The following SOX8 variants were observed in gnomAD, a reference collection of about 807,000 sequenced individuals.
SOX8 encodes the protein SRY-box transcription factor 8.
Under a neutral mutation model 22.9 loss-of-function variants are expected in SOX8, and 9 were observed. The observed-to-expected ratio is 0.39, with a 90% CI of 0.24 to 0.69. SOX8 has a LOEUF of 0.69. Ranked by LOEUF, SOX8 falls within the 30% of genes least tolerant of loss-of-function variation. The probability of loss-of-function intolerance (pLI) is 0.43; values close to 1 mark genes in which losing one functional copy is unlikely to be tolerated. For missense variants in SOX8, 734 were observed against 699.4 expected (o/e 1.05, Z -0.56); for synonymous variants, 416 against 330.6 (o/e 1.26, Z -2.80).
Position 985,306 on chromosome 16 carries a change from A to G in SOX8, c.1261A>G (p.Asn421Asp), listed in dbSNP as rs1567358033. The change falls in exon 3 of 3, where the codon AAC becomes GAC. Residue 421 changes from asparagine to aspartate, a missense_variant. Physicochemically the swap from Asn to Asp is conservative, Grantham distance 23. Around this residue, in one of 3 missense-constraint regions of SOX8, gnomAD observed 588 missense variants for 568.2 expected, o/e 1.03. Coordinates refer to ENST00000293894, the MANE Select transcript of SOX8 (RefSeq NM_014587.5). ...CCGGCCCTACGCCTCACCCCTGCTC[A>G]ACGGCCTGGCCCTGCCGCCCGCCCA... ...PRRPYASPLL[N>D]GLALPPAHSP... 3 of 1,607,682 alleles carry G rather than the reference A, an allele frequency of 1.9e-6. No individual in the cohort carries two copies. Among genetic ancestry groups the G allele is most frequent in the Non-Finnish European group, 2.5e-6 (3 of 1,179,072 alleles).
In SOX8 at chr16:986,421, C is replaced by T. The variant is rs550975324; in HGVS notation, c.*1035C>T. The stretch of plus-strand genomic sequence containing the variant: ...TCCCCGACTGTGCCACGTGGTAGGA[C>T]ACATAGGACACAGGAATTCCTGGGT... On this transcript the variant is annotated 3_prime_UTR_variant, in exon 3 of 3. Transcript: ENST00000293894. 6.6e-6 allele frequency: 1 copy of T among 152,400 alleles called. No individual in the cohort carries two copies. The highest frequency in any genetic ancestry group is 6.5e-5 in the Admixed American group (1 of 15,312). 9.4% of individuals were successfully genotyped at this position (152,400 alleles called of 1,614,324 possible).
In SOX8 at chr16:982,196, G is replaced by T; in HGVS notation, c.274G>T (p.Gly92Cys). 1 of 1,507,702 alleles carries T rather than the reference G, an allele frequency of 6.6e-7. No individual in the cohort carries two copies. Among genetic ancestry groups the T allele is most frequent in the Non-Finnish European group, 8.8e-7 (1 of 1,134,350 alleles). The allele number at this position is 1,507,702 out of a possible 1,614,324, so 93.4% of individuals were successfully genotyped here. A position where few individuals can be genotyped will look rare whatever the true frequency, so the allele number is the denominator to read the frequency against. ...SLVPMPVRGG[G>C]GGALKAKPHV... The stretch of plus-strand genomic sequence containing the variant: ...GGTGCCCATGCCGGTGCGCGGCGGC[G>T]GCGGCGGCGCGCTCAAAGCCAAGCC... Residue 92 changes from glycine to cysteine, a missense_variant, in exon 1 of 3, where the codon GGC becomes TGC. Around this residue, in one of 3 missense-constraint regions of SOX8, gnomAD observed 588 missense variants for 568.2 expected, o/e 1.03. Transcript: ENST00000293894.
In SOX8 at chr16:983,562, G is replaced by A. The variant is rs117351227; in HGVS notation, c.423-166G>A. The A allele has an allele frequency of 2.3e-3, 1,321 of 573,712 alleles. 40 individuals are homozygous for A. The East Asian group carries it at 0.036, about 15-fold the overall frequency. 35.5% of individuals were successfully genotyped at this position (573,712 alleles called of 1,614,324 possible). ...GGCGCCGGCCGGTTCTCCCAGAGGA[G>A]TGTACTGCCTGGTGCCACGGGAGGC... On this transcript the variant is annotated intron_variant, in intron 1 of 2. Coordinates refer to ENST00000293894, the MANE Select transcript of SOX8 (RefSeq NM_014587.5).
intron 2 of SOX8, 34 bp downstream of exon 2, chr16:983,994 C>T (rs1290192793): frequency 9.0e-6 from 13 of 1,447,666 alleles, no homozygotes; most frequent in African/African-American, 4.3e-5. Flanking sequence ...TCTGAGGGTC[C>T]CTGTATGGGA....
Position 984,775 on chromosome 16 carries a change from C to T in SOX8, c.730C>T (p.Leu244=). ...GCAGCAGGCGGGCGCCAAGCCGGAG[C>T]TGAAGCTGGAGGGACGCCGGCCGGT... is the stretch of plus-strand genomic sequence containing the variant. ...ELQQAGAKPE[L]KLEGRRPVDS... is the part of the protein sequence containing the mutation. Residue 244 remains leucine (L), a synonymous_variant, in exon 3 of 3, where the codon CTG becomes TTG. Coordinates refer to ENST00000293894, the MANE Select transcript of SOX8 (RefSeq NM_014587.5). The T allele has an allele frequency of 1.2e-6, 2 of 1,608,124 alleles. No individual in the cohort carries two copies. Among genetic ancestry groups the T allele is most frequent in the Non-Finnish European group, 1.7e-6 (2 of 1,178,310 alleles).
At chr16:983,199 C>T (rs2073420811) in intron 1 of SOX8, 1 of 152,510 alleles carries the variant, frequency 6.6e-6, no homozygotes, top group South Asian at 2.1e-4. Context: ...TCCCCCAAGT[C>T]CTGCCGCACA....
Position 984,707 on chromosome 16 carries a change from C to A in SOX8, c.662C>A (p.Thr221Asn). Residue 221 changes from threonine to asparagine, a missense_variant, in exon 3 of 3, where the codon ACC (threonine) becomes AAC (asparagine). Physicochemically the swap from Thr to Asn is moderately conservative, Grantham distance 65. Around this residue, in one of 3 missense-constraint regions of SOX8, gnomAD observed 588 missense variants for 568.2 expected, o/e 1.03. Transcript: ENST00000293894. ...GHHHGDHTGQTHGPPTPPTTP... is the reference protein window; with the variant it reads ...GHHHGDHTGQNHGPPTPPTTP... ...CCTGCTCTCCTGTCCCCAGGGCAGA[C>A]CCACGGGCCGCCCACCCCGCCCACC... 1 of 1,530,954 alleles carries A rather than the reference C, an allele frequency of 6.5e-7. No individual in the cohort carries two copies. Among genetic ancestry groups the A allele is most frequent in the Non-Finnish European group, 8.8e-7 (1 of 1,142,726 alleles). The allele number at this position is 1,530,954 out of a possible 1,614,324, so 94.8% of individuals were successfully genotyped here. A position where few individuals can be genotyped will look rare whatever the true frequency, so the allele number is the denominator to read the frequency against.
chr16:984,940 C>T lies in SOX8; in HGVS notation c.895C>T (p.Pro299Ser), dbSNP rs1372013567. 3 of 1,600,882 alleles carry T rather than the reference C, an allele frequency of 1.9e-6. No individual in the cohort carries two copies. Among genetic ancestry groups the T allele is most frequent in the Non-Finnish European group, 2.6e-6 (3 of 1,173,712 alleles). ...CCTGGGCGGCCCCGCCCCACCCGAG[C>T]CGGGCCAGGCCTATGGGGGCGCCTA... ...LPLGGPAPPE[P>S]GQAYGGAYFH... The change falls in exon 3 of 3, where the codon CCG becomes TCG. Residue 299 changes from proline to serine, a missense_variant. Transcript: ENST00000293894.
At chr16:982,491 C>A in intron 1 of SOX8, 147 bp downstream of exon 1, 1 of 909,902 alleles carries the variant, frequency 1.1e-6, no homozygotes, top group Non-Finnish European at 1.5e-6. Context: ...GGTGTCAGGG[C>A]GGGTCCCAGT....
chr16:982,149 T>A lies in SOX8; in HGVS notation c.227T>A (p.Leu76His). The A allele has an allele frequency of 6.8e-7, 1 of 1,468,704 alleles. No individual in the cohort carries two copies. Among genetic ancestry groups the A allele is most frequent in the Non-Finnish European group, 9.0e-7 (1 of 1,113,922 alleles). 91.0% of individuals were successfully genotyped at this position (1,468,704 alleles called of 1,614,324 possible). The change falls in exon 1 of 3, where the codon CTC becomes CAC. Residue 76 changes from leucine to histidine, a missense_variant. Leu to His is a moderately conservative substitution (Grantham distance 99). Around this residue, in one of 3 missense-constraint regions of SOX8, gnomAD observed 588 missense variants for 568.2 expected, o/e 1.03. Transcript: ENST00000293894. ...ATCCGCGACGCCGTGTCGCAGGTGC[T>A]CAAGGGCTACGACTGGAGTCTGGTG... is the stretch of plus-strand genomic sequence containing the variant. ...ACIRDAVSQVLKGYDWSLVPM... is the reference protein window; with the variant it reads ...ACIRDAVSQVHKGYDWSLVPM...
intron 2 of SOX8, 60 bp from the exon 3 acceptor site, chr16:984,641 C>G (rs566273931): frequency 1.7e-6 from 2 of 1,169,312 alleles, no homozygotes; most frequent in African/African-American, 1.6e-5. Flanking sequence ...CCAGCCTGGC[C>G]GGCCCCACCC....
chr16:982,723 T>G, intron 1 of SOX8: 2 of 193,240 alleles, frequency 1.0e-5, no homozygotes, highest in East Asian at 1.2e-4. Flanking sequence ...CGACAGCAAG[T>G]TGCATGCGGC....
At position 985,580 on chromosome 16, in the gene SOX8, C is replaced by T. The variant is rs2073453261; in HGVS notation, c.*194C>T. On this transcript the variant is annotated 3_prime_UTR_variant, in exon 3 of 3. Transcript: ENST00000293894. ...CCTCTGCCGACGACGGACCAGCTCC[C>T]TCTCCCTTCTATCTTTCTTTTTGAG... 2 of 536,450 alleles carry T rather than the reference C, an allele frequency of 3.7e-6. No homozygotes were observed. Among genetic ancestry groups the T allele is most frequent in the Non-Finnish European group, 6.5e-6 (2 of 307,222 alleles). The allele number at this position is 536,450 out of a possible 1,614,324, so 33.2% of individuals were successfully genotyped here.
intron 1 of SOX8, chr16:982,738 T>C: frequency 5.6e-6 from 1 of 179,734 alleles, no homozygotes; most frequent in Non-Finnish European, 1.2e-5. Context: ...TGCGGCTCTC[T>C]GGAGGTGCTC....
At chr16:983,466 G>A (rs2073426120) in intron 1 of SOX8, 1 of 366,348 alleles carries the variant, frequency 2.7e-6, no homozygotes, top group Non-Finnish European at 4.9e-6. Context: ...GGGGGAAATA[G>A]AAGGAGGAAG....
intron 1 of SOX8, chr16:983,116 C>G (rs12932842): frequency 0.18 from 27,061 of 152,332 alleles, 2,645 homozygotes; most frequent in South Asian, 0.34. Context: ...TTGGAGCTTG[C>G]GTATTTGCAC....
rs1487862846 is a variant in SOX8, at chr16:986,749, C to G, written c.*1363C>G. ...AAGTTGCTTCTTTGTACTTTTTCTA[C>G]TTTTCCTACTTTTTTGTAGAAAAAA... On this transcript the variant is annotated 3_prime_UTR_variant, in exon 3 of 3. Coordinates refer to ENST00000293894, the MANE Select transcript of SOX8 (RefSeq NM_014587.5). The G allele has an allele frequency of 1.7e-5, 2 of 121,192 alleles. No individual in the cohort carries two copies. The highest frequency in any genetic ancestry group is 5.0e-4 in the East Asian group (2 of 4,036). 7.5% of individuals were successfully genotyped at this position (121,192 alleles called of 1,614,324 possible). A position where few individuals can be genotyped will look rare whatever the true frequency, so the allele number is the denominator to read the frequency against.
rs952418264 is a variant in SOX8 at position 981,877 on chromosome 16, G to A, written c.-46G>A. On this transcript the variant is annotated 5_prime_UTR_variant, in exon 1 of 3. Coordinates refer to ENST00000293894, the MANE Select transcript of SOX8 (RefSeq NM_014587.5). ...GACCGCAGGGCAGCCCCGGGCGCCG[G>A]CCCCGGTGCGCGTCTCCTGTGCGCG... 51 of 1,134,974 alleles carry A rather than the reference G, an allele frequency of 4.5e-5. No homozygotes were observed. The highest frequency in any genetic ancestry group is 5.5e-5 in the Non-Finnish European group (51 of 924,662). The allele number at this position is 1,134,974 out of a possible 1,614,324, so 70.3% of individuals were successfully genotyped here.
At chr16:982,475 C>T (rs978537132) in intron 1 of SOX8, 131 bp downstream of exon 1, 2 of 1,019,760 alleles carry the variant, frequency 2.0e-6, no homozygotes, top group African/African-American at 1.7e-5. Context: ...CTCTGCACCC[C>T]GGGCGGGTGT....
Sources: allele counts gnomAD v4.1 joint callset, GRCh38; gene constraint gnomAD v4.1.1; regional missense constraint gnomAD v4.1.1; transcripts MANE v1.5; gene names NCBI Gene and HGNC (gene_info 2026-07-23, HGNC 2026-07-21).